Variants in ATF3 observed in about 807,000 individuals in gnomAD.
ATF3 encodes activating transcription factor 3, also known as cyclic AMP-dependent transcription factor ATF-3.
Under a neutral mutation model 18.4 loss-of-function variants are expected in ATF3, and 10 were observed. The observed-to-expected ratio is 0.54, with a 90% CI of 0.34 to 0.92. The LOEUF (loss-of-function observed/expected upper bound fraction) is 0.92. Among genes scored for constraint, ATF3 ranks in the 40% least tolerant of loss-of-function variants. The pLI is 0.02. For synonymous variants in ATF3, 78 were observed against 87.9 expected (o/e 0.89, Z 0.63); for missense variants, 183 against 222.3 (o/e 0.82, Z 1.12).
In ATF3 at chr1:212,619,648, T is replaced by C. The variant is rs1236765526; in HGVS notation, c.*93T>C. ...GCCATTGGAGAGCTGTCTTCCTGTG[T>C]ACCTCTAGAATCCCAGCAGCAGAGA... On this transcript the variant is annotated 3_prime_UTR_variant, in exon 4 of 4. Coordinates refer to ENST00000341491, the MANE Select transcript of ATF3 (RefSeq NM_001674.4). This position sits in a 1 kb window ranked among gnomAD's most constrained non-coding sequence, Gnocchi z 4.4. The C allele has an allele frequency of 2.4e-5, 36 of 1,517,726 alleles. No individual in the cohort carries two copies. The highest frequency in any genetic ancestry group is 3.6e-6 in the Non-Finnish European group (4 of 1,115,890). 94.0% of individuals were successfully genotyped at this position (1,517,726 alleles called of 1,614,324 possible).
chr1:212,608,623 C>A (rs1654724913), upstream of ATF3: 1 of 152,674 alleles, frequency 6.5e-6, no homozygotes, highest in Non-Finnish European at 1.5e-5. Context: ...CTCCACCCCC[C>A]TTCCTCCGCT....
rs150103618 is a variant in ATF3, at chr1:212,566,638, C to T, written c.-5+1155C>T. On this transcript the variant is annotated intron_variant, in intron 1 of 3. Transcript: ENST00000366981. ...TAGAAACCTCCTGCCCTGTCCTGCT[C>T]AGTTCCTGTTCCTTTCCCAGCAGCC... 4.6e-3 allele frequency among the ~76,000 whole-genome samples: 705 copies of T among 152,236 alleles called. 9 individuals are homozygous for T. The highest frequency in any genetic ancestry group is 0.016 in the African/African-American group (662 of 41,522).
At chr1:212,598,291 G>A (rs544386952) in intron 1 of ATF3, among the ~76,000 whole-genome samples, 3 of 152,054 alleles carry the variant, frequency 2.0e-5, no homozygotes, top group South Asian at 4.2e-4. Context: ...ATTGTTCTGT[G>A]TTGATATATA....
chr1:212,584,047 G>A (rs1481341311), intron 1 of ATF3, among the ~76,000 whole-genome samples: 2 of 152,026 alleles, frequency 1.3e-5, no homozygotes, highest in Non-Finnish European at 2.9e-5. Context: ...CAAGGGGGAG[G>A]AGATAAAATA....
chr1:212,603,776 A>ATATG (rs1553303457), upstream of ATF3, among the ~76,000 whole-genome samples: 1 of 149,486 alleles, frequency 6.7e-6, no homozygotes, highest in African/African-American at 2.5e-5. Context: ...GTGTATATAT[A>ATATG]TGTGTGTGTG....
At chr1:212,575,789 A>G (rs1664567196) in intron 1 of ATF3, among the ~76,000 whole-genome samples, 2 of 152,196 alleles carry the variant, frequency 1.3e-5, no homozygotes, top group Non-Finnish European at 2.9e-5. Context: ...TAAAAGATAA[A>G]GGAAAAAGGC....
chr1:212,584,155 T>G (rs973059012), intron 1 of ATF3, among the ~76,000 whole-genome samples: 3 of 150,030 alleles, frequency 2.0e-5, no homozygotes, highest in African/African-American at 7.3e-5. Context: ...TACCACTTCT[T>G]GATTTCTTAT....
rs1655281702 is a variant in ATF3 at position 212,619,537 on chromosome 1, A to G, written c.528A>G (p.Glu176=). The G allele has an allele frequency of 6.2e-7, 1 of 1,614,108 alleles. No homozygotes were observed. Among genetic ancestry groups the G allele is most frequent in the South Asian group, 1.1e-5 (1 of 91,092 alleles). Residue 176 remains glutamate (E), a synonymous_variant, in exon 4 of 4, where the codon GAA becomes GAG. Coordinates refer to ENST00000341491, the MANE Select transcript of ATF3 (RefSeq NM_001674.4). This position sits in a 1 kb window ranked among gnomAD's most constrained non-coding sequence, Gnocchi z 4.4. ...ACCTCTTTATCCAACAGATAAAAGA[A>G]GGAACATTGCAGAGCTAAGCAGTCG... is the stretch of plus-strand genomic sequence containing the variant. ...ERNLFIQQIK[E]GTLQS
chr1:212,604,704 C>G (rs1279096272), upstream of ATF3, among the ~76,000 whole-genome samples: 4 of 152,180 alleles, frequency 2.6e-5, no homozygotes, highest in African/African-American at 9.7e-5. Context: ...CATAGGGTGG[C>G]TTTGGCAGAG....
intron 1 of ATF3, among the ~76,000 whole-genome samples, chr1:212,609,235 G>C (rs1489814680): frequency 6.6e-6 from 1 of 152,250 alleles, no homozygotes; most frequent in Non-Finnish European, 1.5e-5. Context: ...TCTCTCCGCC[G>C]ACGGCGCTGG....
At chr1:212,588,720 T>C (rs1664826073) in intron 1 of ATF3, among the ~76,000 whole-genome samples, 1 of 152,216 alleles carries the variant, frequency 6.6e-6, no homozygotes, top group African/African-American at 2.4e-5. Context: ...TCAATTCTTT[T>C]CACTGTATCT....
chr1:212,616,545 G>A (rs181842208), intron 2 of ATF3, among the ~76,000 whole-genome samples: 6 of 152,114 alleles, frequency 3.9e-5, no homozygotes, highest in South Asian at 2.1e-4. Context: ...TAATCCGCCC[G>A]CCTCGGCCTC....
At chr1:212,588,865 C>T (rs374187336) in intron 1 of ATF3, among the ~76,000 whole-genome samples, 1 of 152,202 alleles carries the variant, frequency 6.6e-6, no homozygotes, top group East Asian at 1.9e-4. Flanking sequence ...ATCACTCCTT[C>T]AAATGCTCAA....
At chr1:212,580,925 T>A (rs536908618) in intron 1 of ATF3, among the ~76,000 whole-genome samples, 45 of 152,218 alleles carry the variant, frequency 3.0e-4, no homozygotes, top group African/African-American at 1.0e-3. Context: ...CCCCCCACCA[T>A]GCCCGGCTAA....
chr1:212,565,830 G>A (rs1029964775), intron 1 of ATF3, among the ~76,000 whole-genome samples: 1 of 152,310 alleles, frequency 6.6e-6, no homozygotes, highest in South Asian at 2.1e-4. Flanking sequence ...GGATGAAACC[G>A]TGGTTTGGGG....
At chr1:212,598,042 G>A (rs148546401) in intron 1 of ATF3, among the ~76,000 whole-genome samples, 3 of 152,160 alleles carry the variant, frequency 2.0e-5, no homozygotes, top group South Asian at 2.1e-4. Context: ...TACACTCTTC[G>A]AAAGACACAC....
At position 212,615,061 on chromosome 1, in the gene ATF3, G is replaced by A; in HGVS notation, c.40G>A (p.Val14Met). 6.2e-7 allele frequency: 1 copy of A among 1,614,196 alleles called. No homozygotes were observed. The change falls in exon 2 of 4, where the codon GTG becomes ATG. Residue 14 changes from valine (V) to methionine (M), a missense_variant. Val to Met is a conservative substitution (Grantham distance 21). Coordinates refer to ENST00000341491, the MANE Select transcript of ATF3 (RefSeq NM_001674.4). ...QHPGQVSASE[V>M]SASAIVPCLS... ...CCCAGGCCAGGTCTCTGCCTCGGAA[G>A]TGAGTGCTTCTGCCATCGTCCCCTG...
intron 1 of ATF3, among the ~76,000 whole-genome samples, chr1:212,599,367 C>A (rs927880260): frequency 6.6e-6 from 1 of 152,288 alleles, no homozygotes; most frequent in African/African-American, 2.4e-5. Context: ...CATTTCTGGT[C>A]TTCATTAATC....
intron 1 of ATF3, among the ~76,000 whole-genome samples, chr1:212,593,449 G>T (rs192443203): frequency 4.2e-4 from 63 of 151,428 alleles, no homozygotes; most frequent in Admixed American, 1.3e-3. Context: ...AAAAAAAAAA[G>T]TGTTCTTGGG....
Sources: gnomAD v4.1 joint callset for allele counts (sites outside exome capture counted in the v4.1 genomes callset) on GRCh38, gnomAD v4.1.1 for gene constraint, Gnocchi (gnomAD v3.1) non-coding constraint, MANE v1.5 for transcripts, NCBI Gene and HGNC (gene_info 2026-07-23, HGNC 2026-07-21) for gene names.